Variants in CSNK1G3 observed in about 807,000 individuals in gnomAD.
The protein encoded by CSNK1G3 is casein kinase I isoform gamma-3.
In CSNK1G3, 23 loss-of-function variants were observed where a neutral mutation model predicts 64.3. The observed-to-expected ratio is 0.36, with a 90% CI of 0.26 to 0.51. The LOEUF is 0.51. Ranked by LOEUF, CSNK1G3 falls within the 20% of genes least tolerant of loss-of-function variation. The pLI is 0.96. For missense variants in CSNK1G3, 357 were observed against 510.5 expected, an observed-to-expected ratio of 0.70 and a Z score of 2.90; for synonymous variants, 158 against 162.2, an observed-to-expected ratio of 0.97 and a Z score of 0.20.
At chr5:123,577,906 A>G (rs1408626871) in intron 6 of CSNK1G3, among the ~76,000 whole-genome samples, 1 of 151,896 alleles carries the variant, frequency 6.6e-6, no homozygotes, top group Non-Finnish European at 1.5e-5. Flanking sequence ...AGAAGCAATC[A>G]CTGATCTGAT....
intron 10 of CSNK1G3, among the ~76,000 whole-genome samples, chr5:123,592,146 A>T (rs756068173): frequency 3.9e-5 from 6 of 152,076 alleles, no homozygotes; most frequent in Non-Finnish European, 8.8e-5. Context: ...GATTTTATGG[A>T]AAAGGTAGCT....
intron 10 of CSNK1G3, among the ~76,000 whole-genome samples, chr5:123,599,329 T>C (rs1218266773): frequency 3.3e-5 from 5 of 152,168 alleles, no homozygotes; most frequent in African/African-American, 1.2e-4. Context: ...CTCTGAGCAC[T>C]TGGGAGAAAA....
chr5:123,564,377 C>A (rs949281365), intron 4 of CSNK1G3, among the ~76,000 whole-genome samples: 1 of 151,780 alleles, frequency 6.6e-6, no homozygotes, highest in Non-Finnish European at 1.5e-5. Flanking sequence ...TAGGATATTA[C>A]TAAATATACA....
chr5:123,598,901 T>C (rs1793932867), intron 10 of CSNK1G3, among the ~76,000 whole-genome samples: 2 of 152,116 alleles, frequency 1.3e-5, no homozygotes, highest in Admixed American at 1.3e-4. Flanking sequence ...GTAGTGGGGA[T>C]AAACAAGAAA....
chr5:123,556,130 C>T (rs926512840), intron 3 of CSNK1G3, among the ~76,000 whole-genome samples: 2 of 152,042 alleles, frequency 1.3e-5, no homozygotes, highest in Non-Finnish European at 2.9e-5. Context: ...ACTGTACTAT[C>T]CTGCCTCTCA....
At chr5:123,582,613 A>G (rs1387110279) in intron 6 of CSNK1G3, among the ~76,000 whole-genome samples, 1 of 152,204 alleles carries the variant, frequency 6.6e-6, no homozygotes, top group African/African-American at 2.4e-5. Flanking sequence ...AAGAAAAATA[A>G]TCACTTTCTG....
intron 1 of CSNK1G3, among the ~76,000 whole-genome samples, chr5:123,519,500 C>G (rs1326299304): frequency 1.3e-5 from 2 of 152,078 alleles, no homozygotes; most frequent in African/African-American, 2.4e-5. Flanking sequence ...AAATTTTTTC[C>G]TATAAACTTG....
In CSNK1G3 at chr5:123,612,199, A is replaced by G. The variant is rs1004648055; in HGVS notation, c.1218-2143A>G. Among the ~76,000 whole-genome samples the G allele has an allele frequency of 2.0e-5, 3 of 152,188 alleles. 1 individual carries two copies. The highest frequency in any genetic ancestry group is 7.2e-5 in the African/African-American group (3 of 41,450). ...TGGTCCACAATTTTAAATTATTTAC[A>G]TTCCACGGTCTAGTCGGTGTTTACT... On this transcript the variant is annotated intron_variant, in intron 12 of 12. Transcript: ENST00000345990.
At chr5:123,517,905 GATTT>G (rs1305530538) in intron 1 of CSNK1G3, among the ~76,000 whole-genome samples, 2 of 143,698 alleles carry the variant, frequency 1.4e-5, no homozygotes, top group Admixed American at 7.1e-5. Flanking sequence ...ACTGCTTAGA[GATTT>G]ATTTAATAAC....
intron 3 of CSNK1G3, among the ~76,000 whole-genome samples, chr5:123,555,314 A>G (rs1784428134): frequency 6.6e-6 from 1 of 152,186 alleles, no homozygotes; most frequent in South Asian, 2.1e-4. Flanking sequence ...AACTTTTCAC[A>G]TACATTGTTG....
chr5:123,609,136 A>T (rs1581448358), intron 12 of CSNK1G3, among the ~76,000 whole-genome samples: 1 of 152,310 alleles, frequency 6.6e-6, no homozygotes, highest in East Asian at 1.9e-4. Flanking sequence ...AAACTGAGAT[A>T]GGCTAATTTC....
At chr5:123,532,299 T>C (rs1450355524) in intron 1 of CSNK1G3, among the ~76,000 whole-genome samples, 1 of 151,906 alleles carries the variant, frequency 6.6e-6, no homozygotes, top group African/African-American at 2.4e-5. Flanking sequence ...ATTTTACTTC[T>C]CTGCTGATTT....
chr5:123,546,192 A>G (rs558620390), intron 2 of CSNK1G3, among the ~76,000 whole-genome samples: 4 of 152,154 alleles, frequency 2.6e-5, no homozygotes, highest in Admixed American at 2.0e-4. Flanking sequence ...ATGTTTAGTA[A>G]TTGATAACTT....
intron 2 of CSNK1G3, among the ~76,000 whole-genome samples, chr5:123,548,986 C>T (rs1783125890): frequency 6.6e-6 from 1 of 152,258 alleles, no homozygotes; most frequent in Non-Finnish European, 1.5e-5. Flanking sequence ...CAGCTCACTG[C>T]ACCTGCCCAG....
exon 13 of CSNK1G3, chr5:123,616,648 G>C (rs1749503645): frequency 6.6e-6 from 1 of 152,410 alleles, no homozygotes; most frequent in African/African-American, 2.4e-5. Context: ...GCATTTTTAT[G>C]CTTATTTTCT....
intron 4 of CSNK1G3, among the ~76,000 whole-genome samples, chr5:123,564,189 A>G (rs1410633379): frequency 6.6e-6 from 1 of 152,000 alleles, no homozygotes; most frequent in East Asian, 1.9e-4. Flanking sequence ...GTTTATGGAG[A>G]ATGGGTACAT....
intron 4 of CSNK1G3, among the ~76,000 whole-genome samples, chr5:123,558,318 A>G (rs547120313): frequency 6.6e-6 from 1 of 152,320 alleles, no homozygotes; most frequent in South Asian, 2.1e-4. Flanking sequence ...AGATTATTTC[A>G]TGCCACTAGA....
intron 1 of CSNK1G3, among the ~76,000 whole-genome samples, chr5:123,533,870 G>A (rs184816385): frequency 1.5e-3 from 223 of 151,466 alleles, no homozygotes; most frequent in East Asian, 7.2e-3. Flanking sequence ...TAGCTTTCCT[G>A]ATGTATCTAG....
chr5:123,590,401 T>G lies in CSNK1G3; in HGVS notation c.845-12T>G. 1 of 1,360,888 alleles carries G rather than the reference T, an allele frequency of 7.3e-7. No individual in the cohort carries two copies. Among genetic ancestry groups the G allele is most frequent in the Non-Finnish European group, 9.8e-7 (1 of 1,022,078 alleles). 84.3% of individuals were successfully genotyped at this position (1,360,888 alleles called of 1,614,324 possible). On this transcript the variant is annotated splice_polypyrimidine_tract_variant and intron_variant, in intron 8 of 12. Transcript: ENST00000345990. ...AGTATAGTCCAAATAATTTTTATAT[T>G]ATTTCTAGAAGAAATGGCAACATAT...
Sources: allele counts gnomAD v4.1 joint callset (sites outside exome capture counted in the v4.1 genomes callset), GRCh38; gene constraint gnomAD v4.1.1; transcripts MANE v1.5; gene names NCBI Gene and HGNC (gene_info 2026-07-23, HGNC 2026-07-21).